Variants in CLYBL observed in about 807,000 individuals in gnomAD.
CLYBL encodes citramalyl-CoA lyase, mitochondrial.
In CLYBL, 31 loss-of-function variants were observed where a neutral mutation model predicts 38.9. That is an observed-to-expected ratio of 0.80 (90% CI 0.60 to 1.08). The LOEUF (loss-of-function observed/expected upper bound fraction) is 1.08, where lower values mean the gene tolerates loss of function less well. Ranked by LOEUF, CLYBL falls within the 50% of genes least tolerant of loss-of-function variation. CLYBL has a pLI of 0.00. For missense variants in CLYBL, 434 were observed against 411.6 expected (o/e 1.05, Z -0.47); for synonymous variants, 171 against 158.6 (o/e 1.08, Z -0.59).
At chr13:99,684,844 G>T (rs2047794452) in intron 1 of CLYBL, among the ~76,000 whole-genome samples, 1 of 152,182 alleles carries the variant, frequency 6.6e-6, no homozygotes, top group African/African-American at 2.4e-5. Context: ...TTACTGTATT[G>T]TATGTTCCTG....
chr13:99,616,120 T>A (rs2046705149), intron 1 of CLYBL, among the ~76,000 whole-genome samples: 1 of 150,754 alleles, frequency 6.6e-6, no homozygotes. Context: ...GCTGGGATTA[T>A]AGGTGTGAGC....
Position 99,878,145 on chromosome 13 carries a change from T to C in CLYBL, c.927+7083T>C, listed in dbSNP as rs567191722. Among the ~76,000 whole-genome samples the C allele has an allele frequency of 1.4e-4, 22 of 152,328 alleles. No individual in the cohort carries two copies. In the East Asian group the frequency reaches 4.2e-3, roughly 29 times the overall value. ...TTCCTGACAATGCTAAAAAAAAATT[T>C]ATTAGATGTACTTTTAACAGTATAT... On this transcript the variant is annotated intron_variant, in intron 7 of 8. Transcript: ENST00000339105.
At chr13:99,775,488 C>T (rs999250109) in intron 2 of CLYBL, among the ~76,000 whole-genome samples, 2 of 152,110 alleles carry the variant, frequency 1.3e-5, no homozygotes, top group African/African-American at 4.8e-5. Context: ...CTGTTTTAGG[C>T]ATCCTAAGCT....
At position 99,796,337 on chromosome 13, in the gene CLYBL, G is replaced by A. The variant is rs561249001; in HGVS notation, c.249+23327G>A. Among the ~76,000 whole-genome samples, 26 of 152,234 alleles carry A rather than the reference G, an allele frequency of 1.7e-4. No individual in the cohort carries two copies. The South Asian group carries it at 5.2e-3, about 30-fold the overall frequency. On this transcript the variant is annotated intron_variant, in intron 2 of 8. Coordinates refer to ENST00000339105, the MANE Select transcript of CLYBL (RefSeq NM_206808.5). ...ATTTTGGCCCATTCCTAAACTGAAGGCAGTTCCCCACCATAGTTCCTTCCA... is the reference window on the plus strand; with the variant it reads ...ATTTTGGCCCATTCCTAAACTGAAGACAGTTCCCCACCATAGTTCCTTCCA...
intron 1 of CLYBL, among the ~76,000 whole-genome samples, chr13:99,680,035 A>G (rs1245680271): frequency 6.6e-6 from 1 of 152,176 alleles, no homozygotes; most frequent in East Asian, 1.9e-4. Flanking sequence ...ACTTTTCAGT[A>G]TTTGTGCTGG....
chr13:99,638,397 G>A (rs1397975558), intron 1 of CLYBL, among the ~76,000 whole-genome samples: 1 of 152,162 alleles, frequency 6.6e-6, no homozygotes, highest in Non-Finnish European at 1.5e-5. Flanking sequence ...ATTTATTTGT[G>A]TAAAATATTA....
intron 7 of CLYBL, 46 bp downstream of exon 7, chr13:99,871,108 T>C (rs369336472): frequency 3.7e-6 from 6 of 1,604,702 alleles, no homozygotes; most frequent in South Asian, 1.1e-5. Context: ...ATTGAAAATA[T>C]TGTCGGGAAG....
At chr13:99,689,316 A>G (rs2047865153) in intron 1 of CLYBL, among the ~76,000 whole-genome samples, 1 of 152,246 alleles carries the variant, frequency 6.6e-6, no homozygotes, top group Admixed American at 6.5e-5. Context: ...GACAGGATTT[A>G]GGGTGGGCTA....
chr13:99,787,697 C>T (rs1051676238), intron 2 of CLYBL, among the ~76,000 whole-genome samples: 3 of 152,088 alleles, frequency 2.0e-5, no homozygotes, highest in African/African-American at 7.2e-5. Flanking sequence ...TTTTTTGGTT[C>T]CATATGAACT....
intron 1 of CLYBL, among the ~76,000 whole-genome samples, chr13:99,684,386 C>T (rs1422899116): frequency 6.6e-6 from 1 of 151,902 alleles, no homozygotes; most frequent in African/African-American, 2.4e-5. Context: ...CCAGTATAAT[C>T]TTATGGGAGC....
intron 1 of CLYBL, among the ~76,000 whole-genome samples, chr13:99,676,651 T>C (rs907391428): frequency 2.0e-5 from 3 of 150,652 alleles, no homozygotes; most frequent in Admixed American, 6.6e-5. Flanking sequence ...TGGAGTGCAA[T>C]GGCACAATCT....
chr13:99,655,001 CAGA>C (rs1383893959), intron 1 of CLYBL, among the ~76,000 whole-genome samples: 3 of 151,830 alleles, frequency 2.0e-5, no homozygotes, highest in South Asian at 2.1e-4. Flanking sequence ...GCTGATCTAT[CAGA>C]AGAAGAACCC....
chr13:99,616,082 T>A (rs949086644), intron 1 of CLYBL, among the ~76,000 whole-genome samples: 5 of 151,532 alleles, frequency 3.3e-5, no homozygotes, highest in Non-Finnish European at 5.9e-5. Context: ...CCTGGCCTCG[T>A]GATCTGCCTG....
intron 1 of CLYBL, among the ~76,000 whole-genome samples, chr13:99,706,757 C>A (rs1245264602): frequency 6.6e-6 from 1 of 152,128 alleles, no homozygotes; most frequent in African/African-American, 2.4e-5. Flanking sequence ...GAGAAGATGG[C>A]TGCATTTAGA....
At chr13:99,839,958 AC>A (rs2051029653) in intron 2 of CLYBL, among the ~76,000 whole-genome samples, 1 of 32,626 alleles carries the variant, frequency 3.1e-5, no homozygotes, top group Non-Finnish European at 6.1e-5. Context: ...CCACTTCCCC[AC>A]CCACCCACCC....
intron 2 of CLYBL, among the ~76,000 whole-genome samples, chr13:99,826,359 A>G (rs1279434964): frequency 7.9e-5 from 12 of 152,324 alleles, no homozygotes; most frequent in South Asian, 2.1e-4. Context: ...TCAGCCTGCC[A>G]GCTTGTCCTG....
rs560117930 is a variant in CLYBL at position 99,856,335 on chromosome 13, G to A, written c.250-2526G>A. On this transcript the variant is annotated intron_variant, in intron 2 of 8. Coordinates refer to ENST00000339105, the MANE Select transcript of CLYBL (RefSeq NM_206808.5). ...GTTGCCAGGGATCCTGCGTTCTTGA[G>A]CACACATGCAGATTAGAGGATGGAG... Among the ~76,000 whole-genome samples the A allele has an allele frequency of 2.0e-5, 3 of 152,304 alleles. No individual in the cohort carries two copies. The East Asian group carries it at 5.8e-4, about 29-fold the overall frequency.
intron 1 of CLYBL, chr13:99,690,876 C>G (rs946172176): frequency 6.6e-6 from 1 of 152,118 alleles, no homozygotes; most frequent in Admixed American, 6.5e-5. Flanking sequence ...GAATAACAAA[C>G]AAACAAACAA....
chr13:99,892,002 C>G (rs1057188520), intron 8 of CLYBL: 2 of 152,196 alleles, frequency 1.3e-5, no homozygotes, highest in African/African-American at 4.8e-5. Context: ...TAACCTCCAC[C>G]CCTAAAACGA....
Sources: gnomAD v4.1 joint callset for allele counts (sites outside exome capture counted in the v4.1 genomes callset) on GRCh38, gnomAD v4.1.1 for gene constraint, MANE v1.5 for transcripts, NCBI Gene and HGNC (gene_info 2026-07-23, HGNC 2026-07-21) for gene names.